The following TEX22 variants were observed in gnomAD, a reference collection of about 807,000 sequenced individuals.
TEX22 encodes testis-expressed protein 22.
Under a neutral mutation model 11.3 loss-of-function variants are expected in TEX22, and 16 were observed. The ratio of observed to expected loss-of-function variants is 1.42; its 90% CI spans 0.96 to 2.15. TEX22 has a LOEUF of 2.15. TEX22 is among the 30% of genes most tolerant of loss of function. TEX22 has a pLI of 0.00. For missense variants in TEX22, 220 were observed against 208.6 expected, an observed-to-expected ratio of 1.05 and a Z score of -0.34; for synonymous variants, 97 against 92.3, an observed-to-expected ratio of 1.05 and a Z score of -0.29.
chr14:105,409,941 A>T (rs2141362260), intron 2 of TEX22, among the ~76,000 whole-genome samples: 1 of 151,976 alleles, frequency 6.6e-6, no homozygotes, highest in South Asian at 2.1e-4. Flanking sequence ...AACTTGGCTA[A>T]TTTTTTAATT....
At chr14:105,402,581 C>G (rs28645374) in intron 2 of TEX22, among the ~76,000 whole-genome samples, 6,482 of 150,314 alleles carry the variant, frequency 0.043, 492 homozygotes, top group African/African-American at 0.15. Context: ...GGTGAAACCC[C>G]GTCTCTACTA....
At chr14:105,411,622 C>A (rs932328597) in intron 3 of TEX22, 38 bp from the exon 4 acceptor site, 68 of 1,506,502 alleles carry the variant, frequency 4.5e-5, no homozygotes, top group Non-Finnish European at 5.5e-5. Context: ...TTGTCCCCTT[C>A]CCGCCCCTCG....
At chr14:105,402,257 C>G (rs958083555) in intron 2 of TEX22, among the ~76,000 whole-genome samples, 6 of 152,162 alleles carry the variant, frequency 3.9e-5, no homozygotes, top group African/African-American at 1.4e-4. Flanking sequence ...GTGTAAATAT[C>G]TGAAAAGATG....
chr14:105,411,527 T>TG, intron 3 of TEX22, 31 bp downstream of exon 3: 1 of 568,086 alleles, frequency 1.8e-6, no homozygotes, highest in Non-Finnish European at 2.1e-6. Flanking sequence ...CCCCGCCCCG[T>TG]CCCCGCCCCG....
At chr14:105,399,512 C>T (rs1555418147) in intron 2 of TEX22, 22 bp downstream of exon 2, 4 of 1,518,032 alleles carry the variant, frequency 2.6e-6, no homozygotes, top group African/African-American at 2.8e-5. Context: ...GAAACCCTGG[C>T]CGAGGCTACT....
intron 2 of TEX22, among the ~76,000 whole-genome samples, chr14:105,407,780 C>T (rs2081665838): frequency 6.6e-6 from 1 of 151,844 alleles, no homozygotes. Context: ...GTTTTGTTAT[C>T]CTTTTGCTAT....
intron 2 of TEX22, among the ~76,000 whole-genome samples, chr14:105,406,525 A>G (rs1283338750): frequency 1.3e-5 from 2 of 152,210 alleles, no homozygotes; most frequent in Non-Finnish European, 2.9e-5. Flanking sequence ...CAGTCTGGAC[A>G]GCATAGTGAA....
At chr14:105,400,110 G>T (rs782602434) in intron 2 of TEX22, among the ~76,000 whole-genome samples, 3 of 152,338 alleles carry the variant, frequency 2.0e-5, no homozygotes, top group East Asian at 3.9e-4. Context: ...ACTTTTGGAA[G>T]GTTCAAAGCC....
chr14:105,400,994 G>GA (rs1325636361), intron 2 of TEX22, among the ~76,000 whole-genome samples: 1 of 152,120 alleles, frequency 6.6e-6, no homozygotes, highest in African/African-American at 2.4e-5. Flanking sequence ...GGGAGAAAAG[G>GA]AAAAAGAGAA....
chr14:105,410,762 A>T (rs779718563), intron 2 of TEX22, among the ~76,000 whole-genome samples: 1 of 151,956 alleles, frequency 6.6e-6, no homozygotes, highest in Non-Finnish European at 1.5e-5. Context: ...CCTGCAGCCC[A>T]CGTGGGAAGT....
intron 2 of TEX22, among the ~76,000 whole-genome samples, chr14:105,402,065 A>T (rs1279699524): frequency 6.6e-6 from 1 of 152,164 alleles, no homozygotes; most frequent in Non-Finnish European, 1.5e-5. Flanking sequence ...GGGTGCCTAT[A>T]ATCCCAGCTA....
At chr14:105,402,568 C>A (rs991910275) in intron 2 of TEX22, among the ~76,000 whole-genome samples, 11 of 151,720 alleles carry the variant, frequency 7.3e-5, no homozygotes, top group Non-Finnish European at 1.0e-4. Flanking sequence ...TCCTGGCTAA[C>A]ACGGTGAAAC....
At chr14:105,402,730 T>C (rs1018670080) in intron 2 of TEX22, among the ~76,000 whole-genome samples, 6 of 134,874 alleles carry the variant, frequency 4.4e-5, no homozygotes, top group Non-Finnish European at 7.6e-5. Context: ...CACTCCAGCC[T>C]GGGCGACAGA....
In TEX22 at chr14:105,413,099, T is replaced by TC. The variant is rs1319729678; in HGVS notation, c.*1269dup. ...TACACAGCCAGGTGCTCCCCTTCTC[T>TC]CCCAAGTCCTCTGAATGTCATTTGG... On this transcript the variant is annotated 3_prime_UTR_variant, in exon 4 of 4. Coordinates refer to ENST00000451127, the MANE Select transcript of TEX22 (RefSeq NM_001195082.2). The surrounding 1 kb of genome is among the most constrained non-coding windows in gnomAD (Gnocchi z 4.2). 1 of 152,302 alleles carries TC rather than the reference T, an allele frequency of 6.6e-6. No individual in the cohort carries two copies. The highest frequency in any genetic ancestry group is 1.5e-5 in the Non-Finnish European group (1 of 68,134). 9.4% of individuals were successfully genotyped at this position (152,302 alleles called of 1,614,324 possible). A position where few individuals can be genotyped will look rare whatever the true frequency, so the allele number is the denominator to read the frequency against.
In TEX22 at chr14:105,411,366, A is replaced by G; in HGVS notation, c.151-2A>G. 2 of 1,330,000 alleles carry G rather than the reference A, an allele frequency of 1.5e-6. No homozygotes were observed. The highest frequency in any genetic ancestry group is 3.4e-5 in the Admixed American group (1 of 29,816). 82.4% of individuals were successfully genotyped at this position (1,330,000 alleles called of 1,614,324 possible). A position where few individuals can be genotyped will look rare whatever the true frequency, so the allele number is the denominator to read the frequency against. On this transcript the variant is annotated splice_acceptor_variant, in intron 2 of 3. Transcript: ENST00000451127. LOFTEE classifies it high-confidence loss of function. ...TCGCCGACCCGCTGCCCTGTCCCCC[A>G]GGTGTGCGAGCCGCCGGAACGCAGG...
chr14:105,399,077 G>A (rs1421204620), intron 1 of TEX22, among the ~76,000 whole-genome samples: 1 of 152,240 alleles, frequency 6.6e-6, no homozygotes, highest in African/African-American at 2.4e-5. Context: ...GGTGGGGTCG[G>A]CAGGGGCAGA....
intron 2 of TEX22, among the ~76,000 whole-genome samples, chr14:105,406,663 G>A (rs949042329): frequency 2.5e-4 from 37 of 149,468 alleles, no homozygotes; most frequent in Admixed American, 4.7e-4. Flanking sequence ...TTAAGTCTAC[G>A]TACTTGCAGT....
At chr14:105,410,571 C>T (rs959845631) in intron 2 of TEX22, among the ~76,000 whole-genome samples, 1 of 152,198 alleles carries the variant, frequency 6.6e-6, no homozygotes, top group African/African-American at 2.4e-5. Flanking sequence ...TACCCCAAAG[C>T]GGAATTGCTG....
Position 105,411,378 on chromosome 14 carries a change from CG to C in TEX22, c.162del (p.Pro55ArgfsTer45). On this transcript the variant is annotated frameshift_variant, in exon 3 of 4. Coordinates refer to ENST00000451127, the MANE Select transcript of TEX22 (RefSeq NM_001195082.2). LOFTEE classifies it high-confidence loss of function. The stretch of plus-strand genomic sequence containing the variant: ...TGCCCTGTCCCCCAGGTGTGCGAGC[CG>C]CCGGAACGCAGGCGCCCGGGCCGCC... ...GLQTQDWVCEPPERRRPGRRW... is the reference protein window; with the variant it reads ...GLQTQDWVCEXPERRRPGRRW... 7.5e-7 allele frequency: 1 copy of C among 1,325,940 alleles called. No individual in the cohort carries two copies. Among genetic ancestry groups the C allele is most frequent in the Admixed American group, 3.4e-5 (1 of 29,498 alleles). The allele number at this position is 1,325,940 out of a possible 1,614,324, so 82.1% of individuals were successfully genotyped here.
Sources: allele counts gnomAD v4.1 joint callset (sites outside exome capture counted in the v4.1 genomes callset), GRCh38; gene constraint gnomAD v4.1.1; non-coding constraint Gnocchi (gnomAD v3.1); transcripts MANE v1.5; gene names NCBI Gene and HGNC (gene_info 2026-07-23, HGNC 2026-07-21).